The following SNX13 variants were observed in gnomAD, a reference collection of about 807,000 sequenced individuals.
SNX13 encodes the protein sorting nexin 13.
Under a neutral mutation model 133.6 loss-of-function variants are expected in SNX13, and 45 were observed. That is an observed-to-expected ratio of 0.34 (90% CI 0.27 to 0.43). SNX13 has a LOEUF of 0.43. Among genes scored for constraint, SNX13 ranks in the 20% least tolerant of loss-of-function variants. SNX13 has a pLI of 1.00. For missense variants in SNX13, 1,032 were observed against 1,145.1 expected, an observed-to-expected ratio of 0.90 and a Z score of 1.43; for synonymous variants, 414 against 373.9, an observed-to-expected ratio of 1.11 and a Z score of -1.24.
In SNX13 at chr7:17,814,952, G is replaced by GGA; in HGVS notation, c.1954-9_1954-8insTC. 1 of 1,222,110 alleles carries GGA rather than the reference G, an allele frequency of 8.2e-7. No individual in the cohort carries two copies. Among genetic ancestry groups the GGA allele is most frequent in the Non-Finnish European group, 1.0e-6 (1 of 958,830 alleles). 75.7% of individuals were successfully genotyped at this position (1,222,110 alleles called of 1,614,324 possible). ...TTCAGGAGCTAACAGTAACTAACAA[G>GGA]AAAAAAAAAAAAAAGAAGAGATTAT... is the stretch of plus-strand genomic sequence containing the variant. On this transcript the variant is annotated splice_polypyrimidine_tract_variant and intron_variant, in intron 19 of 25. Transcript: ENST00000428135.
intron 1 of SNX13, among the ~76,000 whole-genome samples, chr7:17,922,179 G>A (rs1800195837): frequency 6.6e-6 from 1 of 152,170 alleles, no homozygotes; most frequent in African/African-American, 2.4e-5. Context: ...AGTGAGCACA[G>A]GGTTACAAAT....
chr7:17,890,593 G>T (rs1456453634), intron 4 of SNX13, 109 bp from the exon 5 acceptor site: 2 of 683,106 alleles, frequency 2.9e-6, no homozygotes, highest in African/African-American at 3.7e-5. Context: ...TACTCTCTAC[G>T]TATTAATTTA....
Position 17,830,059 on chromosome 7 carries a change from A to G in SNX13, c.1598-12T>C. 1 of 1,525,646 alleles carries G rather than the reference A, an allele frequency of 6.6e-7. No homozygotes were observed. The highest frequency in any genetic ancestry group is 8.8e-7 in the Non-Finnish European group (1 of 1,130,476). The allele number at this position is 1,525,646 out of a possible 1,614,324, so 94.5% of individuals were successfully genotyped here. ...CCCATTAAAAGATTCTGCAGGGGGG[A>G]AATTCAACTTAGTATACAGCAAAAA... On this transcript the variant is annotated splice_polypyrimidine_tract_variant and intron_variant, in intron 15 of 25. Coordinates refer to ENST00000428135, the MANE Select transcript of SNX13 (RefSeq NM_015132.5).
chr7:17,873,703 A>G (rs1794378216), intron 7 of SNX13, 87 bp from the exon 8 acceptor site: 3 of 709,852 alleles, frequency 4.2e-6, no homozygotes, highest in Non-Finnish European at 6.4e-6. Context: ...TTAAAAAGGC[A>G]GAAATAACCA....
intron 12 of SNX13, among the ~76,000 whole-genome samples, chr7:17,842,743 T>C (rs1790048353): frequency 6.6e-6 from 1 of 152,058 alleles, no homozygotes; most frequent in East Asian, 1.9e-4. Flanking sequence ...AACTATTAGT[T>C]CATATTTTGA....
At chr7:17,865,052 A>G (rs1793212873) in intron 9 of SNX13, among the ~76,000 whole-genome samples, 1 of 152,240 alleles carries the variant, frequency 6.6e-6, no homozygotes, top group Non-Finnish European at 1.5e-5. Flanking sequence ...CAGACAAACA[A>G]AAGCTAAGGG....
chr7:17,874,261 A>C (rs182767832), intron 7 of SNX13, among the ~76,000 whole-genome samples: 58 of 152,294 alleles, frequency 3.8e-4, no homozygotes, highest in Admixed American at 2.4e-3. Context: ...AAAACTCAAG[A>C]GATGAACCGC....
chr7:17,884,003 G>C (rs952280592), intron 5 of SNX13, among the ~76,000 whole-genome samples: 5 of 152,132 alleles, frequency 3.3e-5, no homozygotes, highest in African/African-American at 1.2e-4. Flanking sequence ...TACTAGCTGT[G>C]ACAGAAATGA....
At chr7:17,832,137 TAA>T (rs1017378313) in intron 15 of SNX13, 3 of 984,092 alleles carry the variant, frequency 3.0e-6, no homozygotes, top group South Asian at 9.4e-5. Flanking sequence ...AACTGATATA[TAA>T]GAGAAGCATA....
chr7:17,795,180 C>A (rs1005349040), intron 25 of SNX13: 3 of 151,548 alleles, frequency 2.0e-5, no homozygotes, highest in African/African-American at 7.3e-5. Context: ...TAAGAGTGAG[C>A]AAATTTGGTG....
intron 8 of SNX13, among the ~76,000 whole-genome samples, chr7:17,869,097 C>T (rs1337688563): frequency 6.6e-6 from 1 of 152,076 alleles, no homozygotes; most frequent in African/African-American, 2.4e-5. Flanking sequence ...CTATGCAGAA[C>T]AATTGACTGC....
At chr7:17,846,807 A>T (rs1302558196) in intron 11 of SNX13, among the ~76,000 whole-genome samples, 1 of 152,206 alleles carries the variant, frequency 6.6e-6, no homozygotes, top group Non-Finnish European at 1.5e-5. Context: ...CCCTTCTTCA[A>T]ATTGTATCAC....
chr7:17,876,499 G>A (rs942343877), intron 5 of SNX13, among the ~76,000 whole-genome samples: 1 of 149,266 alleles, frequency 6.7e-6, no homozygotes, highest in Non-Finnish European at 1.5e-5. Context: ...AGGATCACCT[G>A]AGCCCAGGAG....
intron 9 of SNX13, among the ~76,000 whole-genome samples, chr7:17,853,808 G>A (rs550208502): frequency 6.6e-6 from 1 of 152,256 alleles, no homozygotes; most frequent in Admixed American, 6.5e-5. Context: ...CAGGCATGCT[G>A]GTGGGCACCT....
Position 17,897,378 on chromosome 7 carries a change from A to T in SNX13, c.81T>A (p.Phe27Leu), listed in dbSNP as rs1411264915. 1 of 1,595,328 alleles carries T rather than the reference A, an allele frequency of 6.3e-7. No individual in the cohort carries two copies. Among genetic ancestry groups the T allele is most frequent in the South Asian group, 1.1e-5 (1 of 87,248 alleles). The stretch of plus-strand genomic sequence containing the variant: ...TATAAAATGTCAAATAAAATATTAC[A>T]AAGGGTCCAAAGGTTATCAGAAAAA... ...IVLFLITFGP[F>L]VIFYLTFYIL... The change falls in exon 2 of 26, where the codon TTT becomes TTA. Residue 27 changes from phenylalanine (F) to leucine (L), a missense_variant. Phe to Leu is a conservative substitution (Grantham distance 22). Transcript: ENST00000428135.
intron 15 of SNX13, chr7:17,832,214 T>C: frequency 1.0e-6 from 1 of 984,544 alleles, no homozygotes; most frequent in Non-Finnish European, 1.2e-6. Context: ...TTTAAAAAAG[T>C]ACAGTGTATG....
intron 1 of SNX13, among the ~76,000 whole-genome samples, chr7:17,924,890 C>T (rs965830267): frequency 3.3e-5 from 5 of 152,080 alleles, no homozygotes; most frequent in Admixed American, 6.6e-5. Context: ...TATTGTACAA[C>T]GCCACTCATA....
intron 9 of SNX13, among the ~76,000 whole-genome samples, chr7:17,852,074 G>C (rs1054216484): frequency 6.6e-6 from 1 of 152,198 alleles, no homozygotes; most frequent in African/African-American, 2.4e-5. Context: ...GCCAAGTAAA[G>C]AAGTGTTTTA....
intron 1 of SNX13, among the ~76,000 whole-genome samples, chr7:17,908,789 T>C (rs1180101954): frequency 6.6e-6 from 1 of 152,108 alleles, no homozygotes; most frequent in Non-Finnish European, 1.5e-5. Context: ...TACAAAACAA[T>C]ACAGTAAGTA....
Sources: gnomAD v4.1 joint callset for allele counts (sites outside exome capture counted in the v4.1 genomes callset) on GRCh38, gnomAD v4.1.1 for gene constraint, MANE v1.5 for transcripts, NCBI Gene and HGNC (gene_info 2026-07-23, HGNC 2026-07-21) for gene names.